Variants in NUTM2E observed in about 807,000 individuals in gnomAD.
NUTM2E encodes the protein family with sequence similarity 22, member E.
NUTM2E carries 3 observed loss-of-function variants against 26.1 expected under a neutral mutation model. That is an observed-to-expected ratio of 0.12 (90% CI 0.05 to 0.30). NUTM2E has a LOEUF of 0.30. NUTM2E is among the 10% of genes least tolerant of loss of function. The pLI, the probability that NUTM2E is intolerant of heterozygous loss-of-function variation, is 1.00. For missense variants in NUTM2E, 62 were observed against 381.3 expected (o/e 0.16, Z 6.97); for synonymous variants, 13 against 157.5 (o/e 0.08, Z 6.87).
At chr10:79,830,834 T>C (rs61862763) in intron 1 of NUTM2E, among the ~76,000 whole-genome samples, 11,212 of 151,754 alleles carry the variant, frequency 0.074, 723 homozygotes, top group South Asian at 0.2. Flanking sequence ...GTAGGCGGGT[T>C]GTCTTCTCTA....
intron 1 of NUTM2E, among the ~76,000 whole-genome samples, chr10:79,837,821 C>A (rs1369723347): frequency 6.6e-6 from 1 of 151,894 alleles, no homozygotes; most frequent in Non-Finnish European, 1.5e-5. Context: ...AGATATTAAG[C>A]AATTGCAATT....
At chr10:79,843,757 TC>T (rs1842008593) in intron 4 of NUTM2E, among the ~76,000 whole-genome samples, 1 of 94,648 alleles carries the variant, frequency 1.1e-5, no homozygotes, top group South Asian at 3.6e-4. Flanking sequence ...GCTTCTGGCT[TC>T]CTGTCGGCCT....
chr10:79,829,969 G>A (rs1293092682), intron 1 of NUTM2E, among the ~76,000 whole-genome samples: 1 of 151,334 alleles, frequency 6.6e-6, no homozygotes, highest in Non-Finnish European at 1.5e-5. Context: ...GAAGAGTCTG[G>A]AACTGTGGTT....
intron 1 of NUTM2E, among the ~76,000 whole-genome samples, chr10:79,836,317 A>G (rs1841963418): frequency 6.6e-6 from 1 of 151,886 alleles, no homozygotes; most frequent in Admixed American, 6.6e-5. Context: ...CTTATTCCAT[A>G]GTATAGTACT....
rs1290122434 is a variant in NUTM2E, at chr10:79,826,958, C to G, written c.-3127C>G. On this transcript the variant is annotated 5_prime_UTR_variant, in exon 1 of 10. Coordinates refer to ENST00000429984, the MANE Select transcript of NUTM2E (RefSeq NM_001355263.2). Reference sequence around the variant, plus strand: ...GCCGGGCACCGTCGAGCGTTAGCCACCCAGCATTGAGCTGCCAGCGGCTGT... The same window carrying G: ...GCCGGGCACCGTCGAGCGTTAGCCAGCCAGCATTGAGCTGCCAGCGGCTGT... The G allele has an allele frequency of 2.0e-5, 3 of 147,840 alleles. No individual in the cohort carries two copies. Among genetic ancestry groups the G allele is most frequent in the Admixed American group, 1.3e-4 (2 of 14,844 alleles). The allele number at this position is 147,840 out of a possible 1,614,324, so 9.2% of individuals were successfully genotyped here.
At position 79,849,259 on chromosome 10, in the gene NUTM2E, C is replaced by T. The variant is rs1842039453; in HGVS notation, c.1735-112C>T. On this transcript the variant is annotated intron_variant, in intron 8 of 9. Transcript: ENST00000429984. ...GGTGGTCACCATGATATGAGACAGC[C>T]CCAGGAGGGTGGGGACGGGGCGCTC... 3 of 279,100 alleles carry T rather than the reference C, an allele frequency of 1.1e-5. 1 individual carries two copies. In the Admixed American group the frequency reaches 2.1e-4, roughly 20 times the overall value. 17.3% of individuals were successfully genotyped at this position (279,100 alleles called of 1,614,324 possible). A position where few individuals can be genotyped will look rare whatever the true frequency, so the allele number is the denominator to read the frequency against.
Position 79,832,670 on chromosome 10 carries a change from A to G in NUTM2E, c.-2728+5313A>G, listed in dbSNP as rs1479337565. 2.0e-5 allele frequency among the ~76,000 whole-genome samples: 3 copies of G among 151,842 alleles called. 1 individual carries two copies. Among genetic ancestry groups the G allele is most frequent in the African/African-American group, 7.2e-5 (3 of 41,380 alleles). On this transcript the variant is annotated intron_variant, in intron 1 of 9. Transcript: ENST00000429984. ...TAGGGTAATTAGATGAACTCTACCAATAATTATAAAAATAAGAACTGAAAT... is the reference window on the plus strand; with the variant it reads ...TAGGGTAATTAGATGAACTCTACCAGTAATTATAAAAATAAGAACTGAAAT...
intron 1 of NUTM2E, among the ~76,000 whole-genome samples, chr10:79,835,082 CAGAA>C (rs979786341): frequency 7.4e-5 from 11 of 149,508 alleles, no homozygotes; most frequent in Non-Finnish European, 3.0e-5. Context: ...CCTGAAATGA[CAGAA>C]AGACTTTTAT....
chr10:79,838,605 C>T lies in NUTM2E; in HGVS notation c.-2450+19C>T, dbSNP rs1249137686. Among the ~76,000 whole-genome samples the T allele has an allele frequency of 5.0e-4, 74 of 148,886 alleles. No homozygotes were observed. The highest frequency in any genetic ancestry group is 8.4e-4 in the Non-Finnish European group (56 of 66,842). On this transcript the variant is annotated intron_variant, in intron 2 of 9. Transcript: ENST00000429984. The stretch of plus-strand genomic sequence containing the variant: ...GGGCCAGGTGAGCAAGGGAAAGGAG[C>T]GCGGCCTGGGCATCCCGCAGGGCCC...
chr10:79,831,562 G>T (rs1392569924), intron 1 of NUTM2E, among the ~76,000 whole-genome samples: 1 of 151,706 alleles, frequency 6.6e-6, no homozygotes, highest in African/African-American at 2.4e-5. Flanking sequence ...ATTTTAAAAA[G>T]ACCTCATCAG....
chr10:79,838,685 G>A (rs1487746673), intron 2 of NUTM2E, among the ~76,000 whole-genome samples, 95 bp from the exon 3 acceptor site: 1 of 151,782 alleles, frequency 6.6e-6, no homozygotes, highest in Non-Finnish European at 1.5e-5. Context: ...GGCCTGCTCT[G>A]GTCACAATGT....
chr10:79,845,509 C>G (rs1479750867), intron 5 of NUTM2E, among the ~76,000 whole-genome samples: 1 of 108,132 alleles, frequency 9.2e-6, no homozygotes, highest in African/African-American at 2.9e-5. Context: ...TAGCACAGTG[C>G]CTGGCACATG....
At position 79,842,064 on chromosome 10, in the gene NUTM2E, C is replaced by A. The variant is rs571828712; in HGVS notation, c.324C>A (p.Cys108Ter). 2 of 999,024 alleles carry A rather than the reference C, an allele frequency of 2.0e-6. No homozygotes were observed. The highest frequency in any genetic ancestry group is 2.1e-5 in the Admixed American group (1 of 46,864). 61.9% of individuals were successfully genotyped at this position (999,024 alleles called of 1,614,324 possible). ...SLGLTLGFSY[C>*]GNCQTAVVSA... ...GTCTTACCCTTGGCTTTTCTTATTG[C>A]GGAAACTGCCAGACGGCGGTGGTCA... Residue 108 changes from cysteine (C) to a stop codon, truncating the protein, a stop_gained, in exon 4 of 10, where the codon TGC (cysteine) becomes TGA (stop). Transcript: ENST00000429984. LOFTEE classifies it high-confidence loss of function.
Position 79,839,649 on chromosome 10 carries a change from C to T in NUTM2E, c.-2092C>T, listed in dbSNP as rs566178619. 8.0e-4 allele frequency among the ~76,000 whole-genome samples: 122 copies of T among 151,988 alleles called. 1 individual carries two copies. Among genetic ancestry groups the T allele is most frequent in the African/African-American group, 2.7e-3 (112 of 41,420 alleles). The stretch of plus-strand genomic sequence containing the variant: ...GCAGGATTCCTATCATCTGTCTCCA[C>T]GTGATAACACTGAAGAGCCTTCACA... On this transcript the variant is annotated 5_prime_UTR_variant, in exon 4 of 10. It adds an upstream start codon to the 5' untranslated region. Transcript: ENST00000429984.
chr10:79,838,847 C>G lies in NUTM2E; in HGVS notation c.-2382C>G, dbSNP rs897228306. On this transcript the variant is annotated 5_prime_UTR_variant, in exon 3 of 10. Coordinates refer to ENST00000429984, the MANE Select transcript of NUTM2E (RefSeq NM_001355263.2). ...CACCGCCCTTTGCTCTCGCGCTGCGCGTCTCCCTGCCATCAACCGCCGCAA... is the reference window on the plus strand; with the variant it reads ...CACCGCCCTTTGCTCTCGCGCTGCGGGTCTCCCTGCCATCAACCGCCGCAA... Among the ~76,000 whole-genome samples the G allele has an allele frequency of 3.3e-5, 5 of 151,306 alleles. No homozygotes were observed. The highest frequency in any genetic ancestry group is 5.9e-5 in the Non-Finnish European group (4 of 67,754).
intron 1 of NUTM2E, among the ~76,000 whole-genome samples, chr10:79,834,253 A>G (rs962601814): frequency 6.6e-6 from 1 of 151,672 alleles, no homozygotes; most frequent in Non-Finnish European, 1.5e-5. Context: ...GAAATACGTA[A>G]TGCAGATGAC....
intron 1 of NUTM2E, among the ~76,000 whole-genome samples, chr10:79,834,935 TTCTC>T (rs942103856): frequency 8.0e-4 from 122 of 151,820 alleles, no homozygotes; most frequent in African/African-American, 2.8e-3. Flanking sequence ...CTCTGTGTGT[TTCTC>T]TCTCTCATCA....
chr10:79,832,821 C>A (rs1589306489), intron 1 of NUTM2E, among the ~76,000 whole-genome samples: 1 of 151,616 alleles, frequency 6.6e-6, no homozygotes, highest in African/African-American at 2.4e-5. Flanking sequence ...ACAGCCATAA[C>A]TAAACCAAGT....
intron 1 of NUTM2E, among the ~76,000 whole-genome samples, chr10:79,831,766 T>C (rs1320634702): frequency 2.0e-5 from 3 of 151,414 alleles, no homozygotes; most frequent in Admixed American, 6.6e-5. Context: ...AAGTAAATTT[T>C]CCAAAATTAA....
Sources: gnomAD v4.1 joint callset for allele counts (sites outside exome capture counted in the v4.1 genomes callset) on GRCh38, gnomAD v4.1.1 for gene constraint, MANE v1.5 for transcripts, NCBI Gene and HGNC (gene_info 2026-07-23, HGNC 2026-07-21) for gene names.